FBXW7: variants seen among roughly 807,000 people sequenced by gnomAD.
The protein encoded by FBXW7 is F-box/WD repeat-containing protein 7.
Under a neutral mutation model 86.3 loss-of-function variants are expected in FBXW7, and 11 were observed. That is an observed-to-expected ratio of 0.13 (90% CI 0.08 to 0.21). FBXW7 has a LOEUF of 0.21. FBXW7 is among the 10% of genes least tolerant of loss of function. FBXW7 has a pLI of 1.00. For missense variants in FBXW7, 488 were observed against 847.4 expected (o/e 0.58, Z 5.27); for synonymous variants, 313 against 297.9 (o/e 1.05, Z -0.52).
intron 2 of FBXW7, among the ~76,000 whole-genome samples, chr4:152,434,074 T>C (rs1740156970): frequency 6.6e-6 from 1 of 152,156 alleles, no homozygotes. Context: ...AACCCAAGTA[T>C]ACAGAGGACC....
intron 2 of FBXW7, among the ~76,000 whole-genome samples, chr4:152,533,469 A>C (rs944100058): frequency 2.0e-5 from 3 of 152,192 alleles, no homozygotes; most frequent in African/African-American, 7.2e-5. Context: ...ATGTCAGTAC[A>C]CATTTAAAGG....
At chr4:152,391,179 A>G (rs1448464804) in intron 4 of FBXW7, among the ~76,000 whole-genome samples, 6 of 152,132 alleles carry the variant, frequency 3.9e-5, no homozygotes, top group Non-Finnish European at 8.8e-5. Flanking sequence ...AACTGAAAGT[A>G]CTTCAGCACA....
chr4:152,504,994 G>A (rs1047296432), intron 2 of FBXW7, among the ~76,000 whole-genome samples: 5 of 152,218 alleles, frequency 3.3e-5, no homozygotes, highest in Admixed American at 2.6e-4. Flanking sequence ...TCAGAGAAAT[G>A]TGTCAGGCAA....
At chr4:152,493,992 T>C (rs940182307) in intron 2 of FBXW7, among the ~76,000 whole-genome samples, 5 of 152,008 alleles carry the variant, frequency 3.3e-5, no homozygotes, top group Non-Finnish European at 7.4e-5. Context: ...ATGGAAACAA[T>C]AATTTCTAGC....
chr4:152,350,321 T>C (rs1054656125), intron 4 of FBXW7, among the ~76,000 whole-genome samples, 197 bp from the exon 5 acceptor site: 4 of 151,702 alleles, frequency 2.6e-5, no homozygotes, highest in East Asian at 1.9e-4. Flanking sequence ...AGGTGAATTT[T>C]CCCCCCTAAT....
intron 2 of FBXW7, among the ~76,000 whole-genome samples, chr4:152,534,516 T>G (rs1052724349): frequency 6.6e-6 from 1 of 152,142 alleles, no homozygotes; most frequent in Non-Finnish European, 1.5e-5. Context: ...AATTTTACTT[T>G]CAGGGGTCCA....
At chr4:152,419,585 G>A (rs1738765717) in intron 2 of FBXW7, among the ~76,000 whole-genome samples, 1 of 149,440 alleles carries the variant, frequency 6.7e-6, no homozygotes, top group South Asian at 2.1e-4. Context: ...CTTCTGTAAC[G>A]ACTTTCACTG....
At chr4:152,326,281 T>G in intron 11 of FBXW7, 50 bp from the exon 12 acceptor site, 1 of 1,458,088 alleles carries the variant, frequency 6.9e-7, no homozygotes, top group Non-Finnish European at 9.4e-7. Context: ...AACCCACGTT[T>G]AGAATTTTTA....
intron 2 of FBXW7, among the ~76,000 whole-genome samples, chr4:152,420,021 G>A (rs1490700974): frequency 6.6e-6 from 1 of 152,048 alleles, no homozygotes; most frequent in Non-Finnish European, 1.5e-5. Flanking sequence ...TTCCTTTCAT[G>A]AAAGACACTA....
intron 2 of FBXW7, among the ~76,000 whole-genome samples, chr4:152,430,549 AAAAG>A (rs1739792740): frequency 2.0e-5 from 3 of 152,276 alleles, no homozygotes; most frequent in African/African-American, 2.4e-5. Context: ...CTGTACTAAA[AAAAG>A]AAAGAAAAAA....
At chr4:152,328,599 T>A (rs997371825) in intron 10 of FBXW7, 3 of 399,218 alleles carry the variant, frequency 7.5e-6, no homozygotes, top group Non-Finnish European at 1.3e-5. Context: ...CAAGCAATTG[T>A]GTATGTAGTA....
In FBXW7 at chr4:152,530,070, T is replaced by TACAC. The variant is rs200498212; in HGVS notation, c.-120+4867_-120+4870dup. 8.0e-3 allele frequency among the ~76,000 whole-genome samples: 1,001 copies of TACAC among 124,652 alleles called. 18 individuals carry two copies. The highest frequency in any genetic ancestry group is 0.046 in the Admixed American group (553 of 11,968). 81.8% of individuals were successfully genotyped at this position (124,652 alleles called of 152,430 possible). On this transcript the variant is annotated intron_variant, in intron 2 of 13. Transcript: ENST00000281708. The stretch of plus-strand genomic sequence containing the variant: ...GACCCCGTCACAAAAAAAAAAAAAA[T>TACAC]ACACACACACACACACACACACACA...
At chr4:152,527,420 T>C (rs774617199) in intron 2 of FBXW7, among the ~76,000 whole-genome samples, 11 of 152,282 alleles carry the variant, frequency 7.2e-5, no homozygotes, top group South Asian at 2.1e-4. Context: ...AAAGGTATAT[T>C]ACCCCTCATT....
At chr4:152,458,894 C>A (rs368156636) in intron 2 of FBXW7, among the ~76,000 whole-genome samples, 3 of 152,138 alleles carry the variant, frequency 2.0e-5, no homozygotes, top group South Asian at 2.1e-4. Flanking sequence ...AGGAAAGTTT[C>A]ACAATAAGAG....
intron 2 of FBXW7, among the ~76,000 whole-genome samples, chr4:152,475,687 A>G (rs1465068993): frequency 6.6e-6 from 1 of 152,208 alleles, no homozygotes; most frequent in Non-Finnish European, 1.5e-5. Context: ...AATATGTAAA[A>G]ATCGACCATA....
chr4:152,519,914 T>C (rs1341425969), intron 2 of FBXW7, among the ~76,000 whole-genome samples: 2 of 152,258 alleles, frequency 1.3e-5, no homozygotes, highest in African/African-American at 4.8e-5. Context: ...TTCTCTGAAT[T>C]TGTTTCCTTT....
chr4:152,362,510 A>G (rs140096287), intron 4 of FBXW7, among the ~76,000 whole-genome samples: 279 of 152,218 alleles, frequency 1.8e-3, no homozygotes, highest in African/African-American at 6.5e-3. Context: ...ACAACTTAGC[A>G]TATTAAAAAA....
chr4:152,354,672 A>C (rs34553472), intron 4 of FBXW7, among the ~76,000 whole-genome samples: 2,396 of 152,230 alleles, frequency 0.016, 70 homozygotes, highest in African/African-American at 0.055. Context: ...TAAAGAAAAT[A>C]TCTCTTAACT....
At chr4:152,395,802 C>G (rs565224275) in intron 4 of FBXW7, among the ~76,000 whole-genome samples, 1 of 152,156 alleles carries the variant, frequency 6.6e-6, no homozygotes, top group African/African-American at 2.4e-5. Flanking sequence ...TTCAGTTATT[C>G]AGTTCAAGAA....
Sources: gnomAD v4.1 joint callset for allele counts (sites outside exome capture counted in the v4.1 genomes callset) on GRCh38, gnomAD v4.1.1 for gene constraint, MANE v1.5 for transcripts, NCBI Gene and HGNC (gene_info 2026-07-23, HGNC 2026-07-21) for gene names.